Variants in STX8 observed in about 807,000 individuals in gnomAD.
The protein encoded by STX8 is syntaxin 8.
A neutral mutation model predicts 37.5 loss-of-function variants in STX8; 23 were observed. The observed-to-expected ratio is 0.61, with a 90% CI of 0.44 to 0.87. The LOEUF (loss-of-function observed/expected upper bound fraction) is 0.87. Among genes scored for constraint, STX8 ranks in the 40% least tolerant of loss-of-function variants. STX8 has a pLI of 0.00. For missense variants in STX8, 313 were observed against 284.7 expected, an observed-to-expected ratio of 1.10 and a Z score of -0.71; for synonymous variants, 115 against 99.1, an observed-to-expected ratio of 1.16 and a Z score of -0.95.
chr17:9,538,463 G>T (rs966900053), intron 4 of STX8, among the ~76,000 whole-genome samples: 1 of 152,196 alleles, frequency 6.6e-6, no homozygotes, highest in Non-Finnish European at 1.5e-5. Context: ...TTCAAATGGG[G>T]AGGAGCATTT....
intron 7 of STX8, among the ~76,000 whole-genome samples, chr17:9,254,783 G>A (rs889291584): frequency 9.2e-5 from 14 of 152,072 alleles, no homozygotes; most frequent in Admixed American, 6.5e-5. Context: ...CTCGTTCACC[G>A]CCATATCCCC....
chr17:9,477,170 G>C (rs1056492493), intron 6 of STX8, among the ~76,000 whole-genome samples: 19 of 152,226 alleles, frequency 1.2e-4, no homozygotes, highest in East Asian at 9.7e-4. Context: ...AGGTTCCTCT[G>C]CTTAAAAGGA....
At chr17:9,531,538 TGAGA>T (rs956385664) in intron 4 of STX8, among the ~76,000 whole-genome samples, 2 of 150,966 alleles carry the variant, frequency 1.3e-5, no homozygotes, top group East Asian at 1.9e-4. Flanking sequence ...TAAGATATTT[TGAGA>T]GAGAGAGAGA....
At position 9,488,815 on chromosome 17, in the gene STX8, A is replaced by AGTGTGT. The variant is rs1293010664; in HGVS notation, c.541+3013_541+3014insACACAC. 6.0e-3 allele frequency among the ~76,000 whole-genome samples: 585 copies of AGTGTGT among 97,750 alleles called. 6 individuals carry two copies. The highest frequency in any genetic ancestry group is 0.022 in the African/African-American group (555 of 25,498). 64.1% of individuals were successfully genotyped at this position (97,750 alleles called of 152,430 possible). On this transcript the variant is annotated intron_variant, in intron 6 of 7. Transcript: ENST00000306357. The stretch of plus-strand genomic sequence containing the variant: ...TTAAGAGAGAAAGAGAGAGAGAGAG[A>AGTGTGT]GAGAGAGTGTGTGTGTGTGTGTGTG...
intron 4 of STX8, among the ~76,000 whole-genome samples, chr17:9,538,468 G>A (rs1476835947): frequency 6.6e-6 from 1 of 152,138 alleles, no homozygotes; most frequent in Non-Finnish European, 1.5e-5. Flanking sequence ...ATGGGGAGGA[G>A]CATTTTTAAT....
rs1474608345 is a variant in STX8, at chr17:9,507,307, T to C, written c.324-2145A>G. Among the ~76,000 whole-genome samples, 1 of 151,794 alleles carries C rather than the reference T, an allele frequency of 6.6e-6. No individual in the cohort carries two copies. Among genetic ancestry groups the C allele is most frequent in the Non-Finnish European group, 1.5e-5 (1 of 67,962 alleles). ...GGCCAGCCAAGTAGCCATGTGTCCA[T>C]ATCTCAGGCCTGAAAAACAGCCCAT... On this transcript the variant is annotated intron_variant, in intron 4 of 7. Coordinates refer to ENST00000306357, the MANE Select transcript of STX8 (RefSeq NM_004853.3). This position sits in a 1 kb window ranked among gnomAD's most constrained non-coding sequence, Gnocchi z 4.0.
chr17:9,459,300 C>T lies in STX8; in HGVS notation c.541+32529G>A, dbSNP rs574433003. On this transcript the variant is annotated intron_variant, in intron 6 of 7. Transcript: ENST00000306357. The stretch of plus-strand genomic sequence containing the variant: ...TAAAATAAAGAGCCTGGACGAGGGC[C>T]CCCATGGAAGTGAACTCGAAATTCT... Among the ~76,000 whole-genome samples, 8 of 152,234 alleles carry T rather than the reference C, an allele frequency of 5.3e-5. No homozygotes were observed. The East Asian group carries it at 1.5e-3, about 29-fold the overall frequency.
chr17:9,436,950 G>A (rs1386361748), intron 6 of STX8, among the ~76,000 whole-genome samples: 1 of 152,156 alleles, frequency 6.6e-6, no homozygotes, highest in Non-Finnish European at 1.5e-5. Context: ...GGACAGGCAA[G>A]CAATCACAAA....
At chr17:9,387,468 G>A (rs951408278) in intron 6 of STX8, among the ~76,000 whole-genome samples, 5 of 152,104 alleles carry the variant, frequency 3.3e-5, no homozygotes, top group African/African-American at 1.2e-4. Flanking sequence ...CTAATTTTTT[G>A]TATTTTTAGT....
chr17:9,455,039 AACCCCGTCTCT>A (rs1372961605), intron 6 of STX8, among the ~76,000 whole-genome samples: 3 of 151,944 alleles, frequency 2.0e-5, no homozygotes, highest in Admixed American at 6.6e-5. Flanking sequence ...AAGACAGCAA[AACCCCGTCTCT>A]ACAAAAAATT....
intron 7 of STX8, among the ~76,000 whole-genome samples, chr17:9,264,939 C>A (rs1228434397): frequency 6.6e-6 from 1 of 151,198 alleles, no homozygotes; most frequent in Non-Finnish European, 1.5e-5. Flanking sequence ...CATAGGGAGA[C>A]CTCATCTCTA....
At chr17:9,373,214 G>A (rs1911470405) in intron 7 of STX8, among the ~76,000 whole-genome samples, 2 of 152,042 alleles carry the variant, frequency 1.3e-5, no homozygotes, top group South Asian at 4.2e-4. Flanking sequence ...CTAATATGAA[G>A]GTTCCTCAAA....
chr17:9,503,720 C>T (rs2142497674), intron 5 of STX8, among the ~76,000 whole-genome samples: 1 of 152,252 alleles, frequency 6.6e-6, no homozygotes, highest in Non-Finnish European at 1.5e-5. Flanking sequence ...TGTATCTGTA[C>T]ATACTGACAT....
At chr17:9,505,920 T>TCC (rs2142501158) in intron 4 of STX8, among the ~76,000 whole-genome samples, 1 of 132,632 alleles carries the variant, frequency 7.5e-6, no homozygotes, top group African/African-American at 2.9e-5. Context: ...GCAGCCTGGG[T>TCC]AGCGGAGCAA....
chr17:9,367,428 C>G (rs1223243690), intron 7 of STX8, among the ~76,000 whole-genome samples: 1 of 152,136 alleles, frequency 6.6e-6, no homozygotes, highest in Non-Finnish European at 1.5e-5. Context: ...GGCCCTGCAG[C>G]TGTCACTTAT....
At chr17:9,420,398 C>T (rs986126998) in intron 6 of STX8, among the ~76,000 whole-genome samples, 11 of 152,178 alleles carry the variant, frequency 7.2e-5, no homozygotes, top group Non-Finnish European at 1.0e-4. Flanking sequence ...TTCCTTCGAC[C>T]AGTAACCTTA....
chr17:9,521,247 A>T (rs1905329257), intron 4 of STX8, among the ~76,000 whole-genome samples: 2 of 152,210 alleles, frequency 1.3e-5, no homozygotes, highest in African/African-American at 4.8e-5. Flanking sequence ...GGTGGGAGGT[A>T]ACAGGAGTCT....
At chr17:9,448,595 G>A (rs1342129239) in intron 6 of STX8, among the ~76,000 whole-genome samples, 1 of 151,350 alleles carries the variant, frequency 6.6e-6, no homozygotes, top group East Asian at 2.0e-4. Flanking sequence ...TGTTGCCCAG[G>A]AGTTCAATGT....
intron 6 of STX8, among the ~76,000 whole-genome samples, chr17:9,419,858 A>G (rs1913358489): frequency 6.6e-6 from 1 of 152,232 alleles, no homozygotes; most frequent in African/African-American, 2.4e-5. Flanking sequence ...ATTCACGGAA[A>G]CTTCAGAGGA....
Sources: allele counts gnomAD v4.1 joint callset (sites outside exome capture counted in the v4.1 genomes callset), GRCh38; gene constraint gnomAD v4.1.1; non-coding constraint Gnocchi (gnomAD v3.1); transcripts MANE v1.5; gene names NCBI Gene and HGNC (gene_info 2026-07-23, HGNC 2026-07-21).